The following TRIB3 variants were observed in gnomAD, a reference collection of about 807,000 sequenced individuals.
TRIB3 encodes the protein tribbles homolog 3.
TRIB3 carries 20 observed loss-of-function variants against 16.6 expected under a neutral mutation model. That is an observed-to-expected ratio of 1.20 (90% confidence interval 0.85 to 1.75). The LOEUF (loss-of-function observed/expected upper bound fraction) is 1.75, where lower values mean the gene tolerates loss of function less well. TRIB3 is among the 40% of genes most tolerant of loss of function. TRIB3 has a pLI of 0.00. For missense variants in TRIB3, 484 were observed against 488.9 expected, an observed-to-expected ratio of 0.99 and a Z score of 0.10; for synonymous variants, 208 against 217.0, an observed-to-expected ratio of 0.96 and a Z score of 0.36.
chr20:390,219 T>G (rs979058501), intron 2 of TRIB3, among the ~76,000 whole-genome samples: 2 of 151,888 alleles, frequency 1.3e-5, no homozygotes, highest in African/African-American at 4.8e-5. Context: ...TCCCAGCTAC[T>G]CGAGAGGCTG....
Position 396,697 on chromosome 20 carries a change from C to G in TRIB3, c.*7C>G, listed in dbSNP as rs771396793. 6.3e-7 allele frequency: 1 copy of G among 1,594,560 alleles called. No homozygotes were observed. The highest frequency in any genetic ancestry group is 1.7e-5 in the Admixed American group (1 of 59,120). On this transcript the variant is annotated 3_prime_UTR_variant, in exon 4 of 4. Transcript: ENST00000217233. ...AGTGGTTCTGTATGGCTAGGACCAC[C>G]CTACTACACGCTCAGCTGCCAACAG...
intron 1 of TRIB3, chr20:382,499 G>C (rs1600245150): frequency 6.5e-7 from 1 of 1,532,842 alleles, no homozygotes. Context: ...GATGTAAGGA[G>C]TGTCATCCCA....
At chr20:384,356 G>GT (rs2014738706) in intron 1 of TRIB3, among the ~76,000 whole-genome samples, 1 of 148,180 alleles carries the variant, frequency 6.7e-6, no homozygotes. Context: ...TGAAATAGAC[G>GT]TTTTTTTCTT....
chr20:395,242 C>T (rs1375756218), intron 3 of TRIB3, among the ~76,000 whole-genome samples: 2 of 151,712 alleles, frequency 1.3e-5, no homozygotes, highest in South Asian at 2.1e-4. Flanking sequence ...TCACTGCAAC[C>T]GCCACCTCCT....
chr20:396,482 GTCTGGT>G lies in TRIB3; in HGVS notation c.872_877del (p.Leu291_Val292del), dbSNP rs1187336110. 1 of 1,612,786 alleles carries G rather than the reference GTCTGGT, an allele frequency of 6.2e-7. No individual in the cohort carries two copies. Among genetic ancestry groups the G allele is most frequent in the African/African-American group, 1.3e-5 (1 of 74,948 alleles). ...GCAGGCCTCTCGGCCCCTGCCCGCT[GTCTGGT>G]TCGCTGCCTCCTTCGTCGGGAGCCA... is the stretch of plus-strand genomic sequence containing the variant. On this transcript the variant is annotated inframe_deletion, in exon 4 of 4. Coordinates refer to ENST00000217233, the MANE Select transcript of TRIB3 (RefSeq NM_021158.5).
chr20:386,945 GT>G (rs2014830452), intron 1 of TRIB3, among the ~76,000 whole-genome samples: 3 of 151,888 alleles, frequency 2.0e-5, no homozygotes, highest in Admixed American at 6.6e-5. Context: ...TAGAGACAGG[GT>G]TTCACCATGT....
chr20:395,207 C>T lies in TRIB3; in HGVS notation c.585-991C>T, dbSNP rs1269108374. 6.6e-5 allele frequency among the ~76,000 whole-genome samples: 10 copies of T among 151,388 alleles called. No individual in the cohort carries two copies. The East Asian group carries it at 7.8e-4, about 12-fold the overall frequency. On this transcript the variant is annotated intron_variant, in intron 3 of 3. Coordinates refer to ENST00000217233, the MANE Select transcript of TRIB3 (RefSeq NM_021158.5). ...CAGGGTCTCACTCTGTCACCCAGGC[C>T]GGAGTGCAGTGGCGCGATCTCAGCT...
intron 1 of TRIB3, among the ~76,000 whole-genome samples, chr20:384,867 A>G (rs1341632726): frequency 6.6e-6 from 1 of 152,086 alleles, no homozygotes; most frequent in Non-Finnish European, 1.5e-5. Context: ...CCCTTTAAGA[A>G]CACTGTCCTG....
At chr20:388,334 C>T (rs775977216) in intron 2 of TRIB3, 33 bp downstream of exon 2, 1 of 1,568,664 alleles carries the variant, frequency 6.4e-7, no homozygotes, top group Non-Finnish European at 8.7e-7. Context: ...CCCCCAGCAC[C>T]ACAGGAGGCC....
In TRIB3 at chr20:391,322, G is replaced by A; in HGVS notation, c.327G>A (p.Glu109=). 6.2e-7 allele frequency: 1 copy of A among 1,613,098 alleles called. No homozygotes were observed. The change falls in exon 3 of 4, where the codon GAG becomes GAA. Residue 109 remains glutamate (E), a synonymous_variant. Coordinates refer to ENST00000217233, the MANE Select transcript of TRIB3 (RefSeq NM_021158.5). The stretch of plus-strand genomic sequence containing the variant: ...TCCAGGAAGCCCTGGCCGTGCTGGA[G>A]CCCTATGCGCGGCTGCCCCCGCACA... The part of the protein sequence containing the change: ...YPVQEALAVL[E]PYARLPPHKH...
At chr20:393,305 T>C (rs2015030079) in intron 3 of TRIB3, among the ~76,000 whole-genome samples, 1 of 151,576 alleles carries the variant, frequency 6.6e-6, no homozygotes, top group South Asian at 2.1e-4. Flanking sequence ...TCCTCAGTCT[T>C]TCCCTGTCTT....
chr20:394,510 C>T, intron 3 of TRIB3, among the ~76,000 whole-genome samples: 1 of 152,142 alleles, frequency 6.6e-6, no homozygotes, highest in Admixed American at 6.6e-5. Context: ...CAAGAAGTCA[C>T]TTGATGGCCC....
rs2015144816 is a variant in TRIB3, at chr20:396,831, T to C, written c.*141T>C. 9 of 1,279,454 alleles carry C rather than the reference T, an allele frequency of 7.0e-6. No individual in the cohort carries two copies. Among genetic ancestry groups the C allele is most frequent in the Non-Finnish European group, 9.5e-6 (9 of 942,438 alleles). 79.3% of individuals were successfully genotyped at this position (1,279,454 alleles called of 1,614,324 possible). ...GCAGAAGCCTGTGTGGAGTGTGCTG[T>C]GTACACATCTGCTTTGTTCCACACA... is the stretch of plus-strand genomic sequence containing the variant. On this transcript the variant is annotated 3_prime_UTR_variant, in exon 4 of 4. Coordinates refer to ENST00000217233, the MANE Select transcript of TRIB3 (RefSeq NM_021158.5).
At chr20:393,363 ACT>A (rs1362725705) in intron 3 of TRIB3, among the ~76,000 whole-genome samples, 1 of 150,618 alleles carries the variant, frequency 6.6e-6, no homozygotes, top group African/African-American at 2.4e-5. Flanking sequence ...ACAGGGTCTC[ACT>A]CTGTCACCCA....
At chr20:390,625 C>CT (rs2122688724) in intron 2 of TRIB3, among the ~76,000 whole-genome samples, 1 of 152,290 alleles carries the variant, frequency 6.6e-6, no homozygotes, top group East Asian at 1.9e-4. Flanking sequence ...ATTCCTCCTG[C>CT]TTTGTGGGTT....
intron 1 of TRIB3, among the ~76,000 whole-genome samples, chr20:384,517 C>CTA: frequency 6.6e-6 from 1 of 152,132 alleles, no homozygotes; most frequent in African/African-American, 2.4e-5. Context: ...GCATGCACCA[C>CTA]CATGCCCACC....
At chr20:393,114 C>T (rs929483112) in intron 3 of TRIB3, among the ~76,000 whole-genome samples, 2 of 96,580 alleles carry the variant, frequency 2.1e-5, no homozygotes, top group Non-Finnish European at 4.2e-5. Flanking sequence ...ATCCTTTAAC[C>T]AGTGCTCTCC....
intron 1 of TRIB3, among the ~76,000 whole-genome samples, chr20:386,960 C>T (rs1029088531): frequency 5.9e-5 from 9 of 151,354 alleles, no homozygotes; most frequent in African/African-American, 1.5e-4. Flanking sequence ...ACCATGTTGG[C>T]CAGGCTGGTC....
chr20:383,397 G>A (rs866263609), intron 1 of TRIB3, among the ~76,000 whole-genome samples: 3 of 152,138 alleles, frequency 2.0e-5, no homozygotes, highest in Admixed American at 2.0e-4. Flanking sequence ...CTTAGCAATG[G>A]GATTAATTGC....
Sources: allele counts gnomAD v4.1 joint callset (sites outside exome capture counted in the v4.1 genomes callset), GRCh38; gene constraint gnomAD v4.1.1; transcripts MANE v1.5; gene names NCBI Gene and HGNC (gene_info 2026-07-23, HGNC 2026-07-21).